Variants in ANKIB1 observed in about 807,000 individuals in gnomAD.
ANKIB1 encodes ankyrin repeat and IBR domain containing 1.
ANKIB1 carries 43 observed loss-of-function variants against 122.1 expected under a neutral mutation model. The observed-to-expected ratio is 0.35, with a 90% CI of 0.28 to 0.45. ANKIB1 has a LOEUF of 0.45. ANKIB1 is among the 20% of genes least tolerant of loss of function. ANKIB1 has a pLI of 1.00. For missense variants in ANKIB1, 992 were observed against 1,329.5 expected (o/e 0.75, Z 3.95); for synonymous variants, 390 against 442.0 (o/e 0.88, Z 1.48).
rs562839082 is a variant in ANKIB1, at chr7:92,258,060, G to C, written c.-91+11541G>C. ...TCTACAGAATTACTTAAAAAAATTAGGATATGATATTCCGATTTGAAAAAC... is the reference window on the plus strand; with the variant it reads ...TCTACAGAATTACTTAAAAAAATTACGATATGATATTCCGATTTGAAAAAC... On this transcript the variant is annotated intron_variant, in intron 1 of 19. Coordinates refer to ENST00000265742, the MANE Select transcript of ANKIB1 (RefSeq NM_019004.2). Among the ~76,000 whole-genome samples the C allele has an allele frequency of 2.0e-4, 30 of 152,198 alleles. 1 individual carries two copies. The East Asian group carries it at 5.8e-3, about 29-fold the overall frequency.
intron 1 of ANKIB1, among the ~76,000 whole-genome samples, chr7:92,254,223 T>C (rs1262882466): frequency 6.6e-6 from 1 of 152,048 alleles, no homozygotes; most frequent in African/African-American, 2.4e-5. Flanking sequence ...ACCTACAGAG[T>C]TGTGAAAAAT....
chr7:92,330,883 G>A (rs938701859), intron 5 of ANKIB1, among the ~76,000 whole-genome samples: 3 of 151,994 alleles, frequency 2.0e-5, no homozygotes, highest in Admixed American at 6.6e-5. Context: ...TTTCTTTTTA[G>A]CCCATAATAA....
At chr7:92,398,079 T>C in intron 19 of ANKIB1, 133 bp from the exon 20 acceptor site, 1 of 1,116,068 alleles carries the variant, frequency 9.0e-7, no homozygotes, top group Non-Finnish European at 1.2e-6. Flanking sequence ...TACAAGATTT[T>C]AGTAGATAAA....
chr7:92,340,592 C>A (rs1487707634), intron 5 of ANKIB1, among the ~76,000 whole-genome samples: 1 of 150,708 alleles, frequency 6.6e-6, no homozygotes, highest in Non-Finnish European at 1.5e-5. Context: ...AATCTAAGGA[C>A]AGAGAAAAAC....
At chr7:92,252,386 CTTT>C (rs34891046) in intron 1 of ANKIB1, among the ~76,000 whole-genome samples, 5 of 134,182 alleles carry the variant, frequency 3.7e-5, no homozygotes, top group Non-Finnish European at 1.6e-5. Context: ...TAAGGTACTA[CTTT>C]TTTTTTTTTT....
intron 7 of ANKIB1, among the ~76,000 whole-genome samples, chr7:92,350,112 A>G (rs548699691): frequency 6.6e-6 from 1 of 152,004 alleles, no homozygotes; most frequent in African/African-American, 2.4e-5. Flanking sequence ...TTTCCTCACT[A>G]CTCAAGTATA....
At chr7:92,344,396 G>A (rs1053628734) in intron 6 of ANKIB1, among the ~76,000 whole-genome samples, 7 of 151,764 alleles carry the variant, frequency 4.6e-5, no homozygotes, top group Admixed American at 4.6e-4. Context: ...GTAGAGACAG[G>A]GTTTCACCAT....
intron 10 of ANKIB1, among the ~76,000 whole-genome samples, chr7:92,370,432 C>T (rs1311311698): frequency 5.9e-5 from 8 of 136,228 alleles, no homozygotes; most frequent in African/African-American, 2.2e-4. Flanking sequence ...GGCATGAACC[C>T]GGGAGGTGGA....
In ANKIB1 at chr7:92,339,998, GTTTTC is replaced by G. The variant is rs1021327712; in HGVS notation, c.788-3022_788-3018del. 2.7e-5 allele frequency among the ~76,000 whole-genome samples: 4 copies of G among 150,320 alleles called. No homozygotes were observed. In the East Asian group the frequency reaches 7.8e-4, roughly 29 times the overall value. ...GAAAATTCTAGTTTTTTTGGTAAGT[GTTTTC>G]TTTACTTTTCCTTTGAAGTGTTTTT... is the stretch of plus-strand genomic sequence containing the variant. On this transcript the variant is annotated intron_variant, in intron 5 of 19. Coordinates refer to ENST00000265742, the MANE Select transcript of ANKIB1 (RefSeq NM_019004.2).
intron 1 of ANKIB1, among the ~76,000 whole-genome samples, chr7:92,271,533 TC>T (rs1219834817): frequency 6.6e-6 from 1 of 152,190 alleles, no homozygotes; most frequent in Admixed American, 6.5e-5. Context: ...AGTCTGTAGA[TC>T]AGTTTGGGGA....
chr7:92,305,953 C>T (rs986756832), intron 2 of ANKIB1, among the ~76,000 whole-genome samples: 4 of 152,026 alleles, frequency 2.6e-5, no homozygotes, highest in Non-Finnish European at 4.4e-5. Context: ...GTTGTAAAAC[C>T]GAGAGATGCT....
rs541500832 is a variant in ANKIB1, at chr7:92,284,143, CTTAAG to C, written c.-90-10742_-90-10738del. Among the ~76,000 whole-genome samples the C allele has an allele frequency of 1.5e-3, 224 of 152,220 alleles. 1 individual carries two copies. Among genetic ancestry groups the C allele is most frequent in the African/African-American group, 5.2e-3 (218 of 41,526 alleles). On this transcript the variant is annotated intron_variant, in intron 1 of 19. Coordinates refer to ENST00000265742, the MANE Select transcript of ANKIB1 (RefSeq NM_019004.2). The stretch of plus-strand genomic sequence containing the variant: ...AATATTTGTGACATTTAAACTGTAC[CTTAAG>C]TTATGTTCATTAATGTTTGCACTCA...
intron 5 of ANKIB1, among the ~76,000 whole-genome samples, chr7:92,328,264 AAAATT>A (rs556695092): frequency 2.0e-3 from 306 of 152,318 alleles, no homozygotes; most frequent in African/African-American, 6.9e-3. Context: ...ATTCAAGTAT[AAAATT>A]ATGGTAGTTC....
chr7:92,274,059 A>T (rs893893763), intron 1 of ANKIB1, among the ~76,000 whole-genome samples: 1 of 152,110 alleles, frequency 6.6e-6, no homozygotes, highest in Non-Finnish European at 1.5e-5. Flanking sequence ...ACAGGTGTGA[A>T]CCACTACCTG....
chr7:92,318,046 A>C (rs1036958331), intron 3 of ANKIB1, among the ~76,000 whole-genome samples: 1 of 152,294 alleles, frequency 6.6e-6, no homozygotes, highest in East Asian at 1.9e-4. Context: ...TCCCAGTTCT[A>C]CTGCTTACTA....
At chr7:92,306,102 A>G (rs1185767315) in intron 2 of ANKIB1, among the ~76,000 whole-genome samples, 3 of 143,492 alleles carry the variant, frequency 2.1e-5, no homozygotes, top group Admixed American at 7.7e-5. Context: ...TTCTTCTATA[A>G]CATCCCAGAT....
chr7:92,380,102 C>T (rs1025278038), intron 11 of ANKIB1, among the ~76,000 whole-genome samples: 1 of 152,226 alleles, frequency 6.6e-6, no homozygotes, highest in African/African-American at 2.4e-5. Flanking sequence ...ATATCCCACA[C>T]CTGGCTCAGC....
At chr7:92,246,556 C>G (rs1265026597) in intron 1 of ANKIB1, 37 bp downstream of exon 1, 1 of 514,430 alleles carries the variant, frequency 1.9e-6, no homozygotes, top group Non-Finnish European at 3.9e-6. Context: ...GTGTTTGAGG[C>G]TGCCTCTACC....
At chr7:92,326,881 G>A (rs1803038793) in intron 4 of ANKIB1, among the ~76,000 whole-genome samples, 1 of 151,948 alleles carries the variant, frequency 6.6e-6, no homozygotes, top group African/African-American at 2.4e-5. Context: ...CATGTTTATA[G>A]CACACTACAG....
Sources: gnomAD v4.1 joint callset for allele counts (sites outside exome capture counted in the v4.1 genomes callset) on GRCh38, gnomAD v4.1.1 for gene constraint, MANE v1.5 for transcripts, NCBI Gene and HGNC (gene_info 2026-07-23, HGNC 2026-07-21) for gene names.